Variants in NLGN1 observed in about 807,000 individuals in gnomAD.
NLGN1 encodes the protein neuroligin 1.
A neutral mutation model predicts 65.5 loss-of-function variants in NLGN1; 12 were observed. The observed-to-expected ratio is 0.18, with a 90% CI of 0.12 to 0.30. NLGN1 has a LOEUF of 0.30. Ranked by LOEUF, NLGN1 falls within the 10% of genes least tolerant of loss-of-function variation. NLGN1 has a pLI of 1.00. For synonymous variants in NLGN1, 350 were observed against 359.5 expected, an observed-to-expected ratio of 0.97 and a Z score of 0.30; for missense variants, 750 against 1,007.1, an observed-to-expected ratio of 0.74 and a Z score of 3.46.
intron 4 of NLGN1, among the ~76,000 whole-genome samples, chr3:173,929,592 G>A (rs1198699139): frequency 2.0e-5 from 3 of 147,778 alleles, no homozygotes; most frequent in Admixed American, 6.7e-5. Context: ...AAAAAAAAAA[G>A]GAGGAAAGAA....
At chr3:173,621,212 T>C (rs991178157) in intron 3 of NLGN1, among the ~76,000 whole-genome samples, 1 of 152,118 alleles carries the variant, frequency 6.6e-6, no homozygotes, top group Non-Finnish European at 1.5e-5. Flanking sequence ...AGAAATGTTA[T>C]AGCTCTTCAT....
chr3:173,914,923 G>A (rs1005303351), intron 4 of NLGN1: 1 of 152,176 alleles, frequency 6.6e-6, no homozygotes, highest in African/African-American at 2.4e-5. Context: ...AGATGTGCCT[G>A]TACTTGAATG....
intron 4 of NLGN1, among the ~76,000 whole-genome samples, chr3:174,102,839 G>T (rs967560351): frequency 1.3e-5 from 2 of 152,102 alleles, no homozygotes; most frequent in Non-Finnish European, 2.9e-5. Flanking sequence ...GAGAAGTGGG[G>T]GAAGAATAAG....
intron 3 of NLGN1, among the ~76,000 whole-genome samples, chr3:173,672,865 T>C (rs1762634025): frequency 6.6e-6 from 1 of 152,198 alleles, no homozygotes; most frequent in African/African-American, 2.4e-5. Context: ...GCAGAAGTGG[T>C]TATACATTAC....
intron 4 of NLGN1, among the ~76,000 whole-genome samples, chr3:174,096,448 G>A (rs12497272): frequency 0.15 from 22,431 of 151,760 alleles, 1,989 homozygotes; most frequent in African/African-American, 0.24. Context: ...TATAATCATG[G>A]AAATATCATT....
At chr3:173,877,279 TAACTA>T (rs1732312816) in intron 4 of NLGN1, among the ~76,000 whole-genome samples, 1 of 152,076 alleles carries the variant, frequency 6.6e-6, no homozygotes, top group South Asian at 2.1e-4. Context: ...TTGCCAACAA[TAACTA>T]AACTCATTCT....
chr3:173,417,481 T>C (rs1192684231), intron 1 of NLGN1, among the ~76,000 whole-genome samples: 3 of 152,026 alleles, frequency 2.0e-5, no homozygotes, highest in African/African-American at 7.2e-5. Flanking sequence ...ATTTTTACTT[T>C]AATGGAAACA....
chr3:173,671,843 C>G (rs373021945), intron 3 of NLGN1, among the ~76,000 whole-genome samples: 1 of 152,082 alleles, frequency 6.6e-6, no homozygotes, highest in South Asian at 2.1e-4. Context: ...ATTTTTAATG[C>G]AGAATGAGTA....
chr3:174,159,139 C>G (rs1389267997), intron 4 of NLGN1, among the ~76,000 whole-genome samples: 1 of 151,678 alleles, frequency 6.6e-6, no homozygotes, highest in African/African-American at 2.4e-5. Context: ...TTGTAAAATA[C>G]ATTCACCAGC....
chr3:173,641,311 T>G (rs1757376005), intron 3 of NLGN1, among the ~76,000 whole-genome samples: 1 of 152,102 alleles, frequency 6.6e-6, no homozygotes, highest in Non-Finnish European at 1.5e-5. Context: ...GGTACTTCTT[T>G]TTATTATTAT....
intron 4 of NLGN1, among the ~76,000 whole-genome samples, chr3:174,122,177 T>A (rs1282081849): frequency 6.6e-6 from 1 of 152,162 alleles, no homozygotes; most frequent in Non-Finnish European, 1.5e-5. Context: ...CCAAGCCCAA[T>A]CATATTGCCC....
intron 4 of NLGN1, among the ~76,000 whole-genome samples, chr3:174,135,332 T>C (rs746515782): frequency 2.6e-5 from 4 of 152,190 alleles, no homozygotes; most frequent in Non-Finnish European, 4.4e-5. Context: ...TACGATAGAA[T>C]TGTTTTTGGT....
intron 3 of NLGN1, among the ~76,000 whole-genome samples, chr3:173,624,806 A>T (rs1241209913): frequency 6.6e-6 from 1 of 151,504 alleles, no homozygotes; most frequent in African/African-American, 2.4e-5. Flanking sequence ...TATAGCTCAT[A>T]GGTTTTAAAT....
chr3:174,270,249 G>C (rs1016801534), intron 4 of NLGN1, among the ~76,000 whole-genome samples: 1 of 146,350 alleles, frequency 6.8e-6, no homozygotes, highest in Non-Finnish European at 1.5e-5. Context: ...CGAATTTCCT[G>C]AAATTCTTAA....
intron 4 of NLGN1, among the ~76,000 whole-genome samples, chr3:174,177,819 A>G (rs1461590168): frequency 6.6e-6 from 1 of 152,162 alleles, no homozygotes; most frequent in Non-Finnish European, 1.5e-5. Context: ...GTCATAATTA[A>G]TAAATTTTTG....
chr3:173,952,152 C>T (rs542393556), intron 4 of NLGN1, among the ~76,000 whole-genome samples: 2 of 152,302 alleles, frequency 1.3e-5, no homozygotes, highest in East Asian at 3.9e-4. Flanking sequence ...TAGCAAACTT[C>T]CTGCAGGTCT....
intron 4 of NLGN1, among the ~76,000 whole-genome samples, chr3:174,192,144 A>G (rs1358796093): frequency 6.6e-6 from 1 of 152,070 alleles, no homozygotes; most frequent in East Asian, 1.9e-4. Context: ...TTTGTTTTTG[A>G]TAGTGTTAAA....
chr3:173,458,707 T>G (rs1379374733), intron 2 of NLGN1, among the ~76,000 whole-genome samples: 1 of 152,108 alleles, frequency 6.6e-6, no homozygotes, highest in Non-Finnish European at 1.5e-5. Context: ...AATACCCAGA[T>G]ACAAGTGACT....
At chr3:173,460,709 A>G (rs188036101) in intron 2 of NLGN1, among the ~76,000 whole-genome samples, 4 of 152,304 alleles carry the variant, frequency 2.6e-5, no homozygotes, top group African/African-American at 9.6e-5. Flanking sequence ...TTCTTGGCCC[A>G]GAAAGAAGTT....
Sources: gnomAD v4.1 joint callset for allele counts (sites outside exome capture counted in the v4.1 genomes callset) on GRCh38, gnomAD v4.1.1 for gene constraint, MANE v1.5 for transcripts, NCBI Gene and HGNC (gene_info 2026-07-23, HGNC 2026-07-21) for gene names.